FOS: variants seen among roughly 807,000 people sequenced by gnomAD.
FOS encodes protein c-Fos.
In FOS, 9 loss-of-function variants were observed where a neutral mutation model predicts 27.2. The observed-to-expected ratio is 0.33, with a 90% CI of 0.20 to 0.58. The LOEUF is 0.58. Among genes scored for constraint, FOS ranks in the 20% least tolerant of loss-of-function variants. The pLI, the probability that FOS is intolerant of heterozygous loss-of-function variation, is 0.87. For synonymous variants in FOS, 213 were observed against 205.1 expected (o/e 1.04, Z -0.33); for missense variants, 405 against 483.5 (o/e 0.84, Z 1.52).
Position 75,279,951 on chromosome 14 carries a change from C to G in FOS, c.216C>G (p.Asp72Glu). 4 of 1,614,184 alleles carry G rather than the reference C, an allele frequency of 2.5e-6. No homozygotes were observed. The highest frequency in any genetic ancestry group is 1.3e-5 in the African/African-American group (1 of 75,060). The part of the protein sequence containing the change: ...PTVTAISTSP[D>E]LQWLVQPALV... ...TCACTGCCATCTCGACCAGTCCGGA[C>G]CTGCAGTGGCTGGTGCAGCCCGCCC... The change falls in exon 2 of 4, where the codon GAC becomes GAG. Residue 72 changes from aspartate (D) to glutamate (E), a missense_variant. Transcript: ENST00000303562. This position sits in a 1 kb window ranked among gnomAD's most constrained non-coding sequence, Gnocchi z 5.4.
rs1897223263 is a variant in FOS, at chr14:75,281,002, C to A, written c.721C>A (p.Leu241Met). 1 of 1,614,124 alleles carries A rather than the reference C, an allele frequency of 6.2e-7. No individual in the cohort carries two copies. Among genetic ancestry groups the A allele is most frequent in the Admixed American group, 1.7e-5 (1 of 60,032 alleles). Reference sequence around the variant, plus strand: ...CCCGGAGTCTGAGGAGGCCTTCACCCTGCCTCTCCTCAATGACCCTGAGCC... The same window carrying A: ...CCCGGAGTCTGAGGAGGCCTTCACCATGCCTCTCCTCAATGACCCTGAGCC... Reference protein sequence around the residue: ...ATPESEEAFTLPLLNDPEPKP... With the variant: ...ATPESEEAFTMPLLNDPEPKP... The change falls in exon 4 of 4, where the codon CTG becomes ATG. Residue 241 changes from leucine to methionine, a missense_variant. Leu to Met is a conservative substitution (Grantham distance 15, BLOSUM62 2). Transcript: ENST00000303562. The surrounding 1 kb of genome is among the most constrained non-coding windows in gnomAD (Gnocchi z 4.7).
rs1897232384 is a variant in FOS, at chr14:75,281,721, CTT to C, written c.*300_*301del. 2 of 423,772 alleles carry C rather than the reference CTT, an allele frequency of 4.7e-6. No homozygotes were observed. The highest frequency in any genetic ancestry group is 8.6e-6 in the Non-Finnish European group (2 of 232,574). 26.3% of individuals were successfully genotyped at this position (423,772 alleles called of 1,614,324 possible). On this transcript the variant is annotated 3_prime_UTR_variant, in exon 4 of 4. Transcript: ENST00000303562. The surrounding 1 kb of genome is among the most constrained non-coding windows in gnomAD (Gnocchi z 4.7). ...TTGAGCCAGGCCTGGGTCTGTGTCT[CTT>C]TTCTCTTTCTCCTTAGTCTTCTCAT...
At chr14:75,280,302 C>T in intron 2 of FOS, 174 bp downstream of exon 2, 3 of 840,822 alleles carry the variant, frequency 3.6e-6, no homozygotes, top group Non-Finnish European at 3.8e-6. Flanking sequence ...CTGAGTCTCA[C>T]CCTAAGAAGT....
At chr14:75,280,231 C>G in intron 2 of FOS, 103 bp downstream of exon 2, 1 of 1,497,974 alleles carries the variant, frequency 6.7e-7, no homozygotes, top group Non-Finnish European at 9.2e-7. Flanking sequence ...ACTGATGGGG[C>G]TGGCTGCACA....
chr14:75,280,678 T>A lies in FOS; in HGVS notation c.501+11T>A, dbSNP rs1202892458. On this transcript the variant is annotated intron_variant, in intron 3 of 3. Transcript: ENST00000303562. ...GATACACTCCAAGCGGTAGGTACTC[T>A]GTGGGTTGCTCCTTTTTAAAACTTA... 6.3e-7 allele frequency: 1 copy of A among 1,595,628 alleles called. No homozygotes were observed. The highest frequency in any genetic ancestry group is 1.5e-5 in the African/African-American group (1 of 66,782).
Position 75,280,283 on chromosome 14 carries a change from A to C in FOS, c.393+155A>C, listed in dbSNP as rs762322746. On this transcript the variant is annotated intron_variant, in intron 2 of 3. Transcript: ENST00000303562. ...CTGGCTCCAAGCCCATTCCATCCCA[A>C]CTCAGACTCTGAGTCTCACCCTAAG... The C allele has an allele frequency of 4.0e-6, 4 of 995,474 alleles. No individual in the cohort carries two copies. In the South Asian group the frequency reaches 4.1e-5, roughly 10 times the overall value. 61.7% of individuals were successfully genotyped at this position (995,474 alleles called of 1,614,324 possible). A position where few individuals can be genotyped will look rare whatever the true frequency, so the allele number is the denominator to read the frequency against.
At chr14:75,280,530 A>G in intron 2 of FOS, 30 bp from the exon 3 acceptor site, 2 of 1,566,694 alleles carry the variant, frequency 1.3e-6, no homozygotes, top group East Asian at 2.3e-5. Flanking sequence ...ACTTTTACTG[A>G]ATGTCGGTCT....
In FOS at chr14:75,278,976, C is replaced by A. The variant is rs369046051; in HGVS notation, c.-7C>A. 60 of 1,613,486 alleles carry A rather than the reference C, an allele frequency of 3.7e-5. No homozygotes were observed. Among genetic ancestry groups the A allele is most frequent in the South Asian group, 2.3e-4 (21 of 91,058 alleles). On this transcript the variant is annotated 5_prime_UTR_variant, in exon 1 of 4. Transcript: ENST00000303562. The surrounding 1 kb of genome is among the most constrained non-coding windows in gnomAD (Gnocchi z 4.1). ...GGCCCCTCGCCCGGCTTTGCCTAAC[C>A]GCCACGATGATGTTCTCGGGCTTCA...
Position 75,279,291 on chromosome 14 carries a change from A to T in FOS, c.141+168A>T, listed in dbSNP as rs1897199075. On this transcript the variant is annotated intron_variant, in intron 1 of 3. Transcript: ENST00000303562. This position sits in a 1 kb window ranked among gnomAD's most constrained non-coding sequence, Gnocchi z 5.4. ...GGGGCTCGGGACTTGCTCTGAGCGCACGCACGCTTGCCATAGTAAGAATTG... is the reference window on the plus strand; with the variant it reads ...GGGGCTCGGGACTTGCTCTGAGCGCTCGCACGCTTGCCATAGTAAGAATTG... The T allele has an allele frequency of 2.4e-6, 2 of 850,262 alleles. No homozygotes were observed. The highest frequency in any genetic ancestry group is 3.6e-6 in the Non-Finnish European group (2 of 550,538). 52.7% of individuals were successfully genotyped at this position (850,262 alleles called of 1,614,324 possible).
rs1242733441 is a variant in FOS, at chr14:75,279,470, C to G, written c.141+347C>G. On this transcript the variant is annotated intron_variant, in intron 1 of 3. Transcript: ENST00000303562. The surrounding 1 kb of genome is among the most constrained non-coding windows in gnomAD (Gnocchi z 5.4). ...GGAGGTGGCAGAAAGCGGCAATCCC[C>G]CCTCCCCCGGCAGCCTGGAGCACGG... 3 of 445,988 alleles carry G rather than the reference C, an allele frequency of 6.7e-6. No individual in the cohort carries two copies. The East Asian group carries it at 1.4e-4, about 21-fold the overall frequency. 27.6% of individuals were successfully genotyped at this position (445,988 alleles called of 1,614,324 possible). A position where few individuals can be genotyped will look rare whatever the true frequency, so the allele number is the denominator to read the frequency against.
Position 75,279,170 on chromosome 14 carries a change from G to C in FOS, c.141+47G>C, listed in dbSNP as rs375202464. Reference sequence around the variant, plus strand: ...CGCGGGGCCGGGGGCTTGGGGTCGCGGAGGAGGAGACACCGGGCGGGACGC... The same window carrying C: ...CGCGGGGCCGGGGGCTTGGGGTCGCCGAGGAGGAGACACCGGGCGGGACGC... On this transcript the variant is annotated intron_variant, in intron 1 of 3. Coordinates refer to ENST00000303562, the MANE Select transcript of FOS (RefSeq NM_005252.4). The surrounding 1 kb of genome is among the most constrained non-coding windows in gnomAD (Gnocchi z 5.4). 1 of 1,606,470 alleles carries C rather than the reference G, an allele frequency of 6.2e-7. No homozygotes were observed.
rs769937542 is a variant in FOS, at chr14:75,281,448, C to A, written c.*24C>A. On this transcript the variant is annotated 3_prime_UTR_variant, in exon 4 of 4. Coordinates refer to ENST00000303562, the MANE Select transcript of FOS (RefSeq NM_005252.4). This position sits in a 1 kb window ranked among gnomAD's most constrained non-coding sequence, Gnocchi z 4.7. ...GAGGGGGCAGGGAAGGGGAGGCAGC[C>A]GGCACCCACAAGTGCCACTGCCCGA... 6.2e-7 allele frequency: 1 copy of A among 1,602,300 alleles called. No homozygotes were observed. The highest frequency in any genetic ancestry group is 1.1e-5 in the South Asian group (1 of 90,526).
Position 75,280,645 on chromosome 14 carries a change from A to G in FOS, c.479A>G (p.Glu160Gly). The G allele has an allele frequency of 6.2e-7, 1 of 1,614,040 alleles. No homozygotes were observed. Among genetic ancestry groups the G allele is most frequent in the Non-Finnish European group, 8.5e-7 (1 of 1,179,926 alleles). The change falls in exon 3 of 4, where the codon GAG becomes GGG. Residue 160 changes from glutamate (E) to glycine (G), a missense_variant. Coordinates refer to ENST00000303562, the MANE Select transcript of FOS (RefSeq NM_005252.4). The part of the protein sequence containing the change: ...AAAKCRNRRR[E>G]LTDTLQAETD... ...GCCAAATGCCGCAACCGGAGGAGGGAGCTGACTGATACACTCCAAGCGGTA... is the reference window on the plus strand; with the variant it reads ...GCCAAATGCCGCAACCGGAGGAGGGGGCTGACTGATACACTCCAAGCGGTA...
Position 75,278,894 on chromosome 14 carries a change from C to A in FOS, c.-89C>A. Reference sequence around the variant, plus strand: ...CGGCGGCCGCGGCGCAGCGAACGAGCAGTGACCGTGCTCCTACCCAGCTCT... The same window carrying A: ...CGGCGGCCGCGGCGCAGCGAACGAGAAGTGACCGTGCTCCTACCCAGCTCT... On this transcript the variant is annotated 5_prime_UTR_variant, in exon 1 of 4. Coordinates refer to ENST00000303562, the MANE Select transcript of FOS (RefSeq NM_005252.4). The surrounding 1 kb of genome is among the most constrained non-coding windows in gnomAD (Gnocchi z 4.1). The A allele has an allele frequency of 6.6e-7, 1 of 1,508,694 alleles. No individual in the cohort carries two copies. The highest frequency in any genetic ancestry group is 9.0e-7 in the Non-Finnish European group (1 of 1,106,160). The allele number at this position is 1,508,694 out of a possible 1,614,324, so 93.5% of individuals were successfully genotyped here.
At position 75,281,117 on chromosome 14, in the gene FOS, G is replaced by A; in HGVS notation, c.836G>A (p.Arg279Lys). The change falls in exon 4 of 4, where the codon AGG becomes AAG. Residue 279 changes from arginine (R) to lysine (K), a missense_variant. Transcript: ENST00000303562. The surrounding 1 kb of genome is among the most constrained non-coding windows in gnomAD (Gnocchi z 4.7). ...FDDFLFPASSRPSGSETARSV... is the reference protein window; with the variant it reads ...FDDFLFPASSKPSGSETARSV... ...GACTTCCTGTTCCCAGCATCATCCA[G>A]GCCCAGTGGCTCTGAGACAGCCCGC... 1.2e-6 allele frequency: 2 copies of A among 1,609,504 alleles called. No homozygotes were observed. Among genetic ancestry groups the A allele is most frequent in the African/African-American group, 1.3e-5 (1 of 75,046 alleles).
Position 75,279,471 on chromosome 14 carries a change from C to G in FOS, c.141+348C>G, listed in dbSNP as rs1244262203. 4.5e-6 allele frequency: 2 copies of G among 444,954 alleles called. No homozygotes were observed. Among genetic ancestry groups the G allele is most frequent in the Non-Finnish European group, 8.1e-6 (2 of 248,080 alleles). The allele number at this position is 444,954 out of a possible 1,614,324, so 27.6% of individuals were successfully genotyped here. On this transcript the variant is annotated intron_variant, in intron 1 of 3. Coordinates refer to ENST00000303562, the MANE Select transcript of FOS (RefSeq NM_005252.4). The surrounding 1 kb of genome is among the most constrained non-coding windows in gnomAD (Gnocchi z 5.4). ...GAGGTGGCAGAAAGCGGCAATCCCC[C>G]CTCCCCCGGCAGCCTGGAGCACGGA...
In FOS at chr14:75,279,263, T is replaced by C; in HGVS notation, c.141+140T>C. 9.1e-7 allele frequency: 1 copy of C among 1,097,518 alleles called. No individual in the cohort carries two copies. Among genetic ancestry groups the C allele is most frequent in the Non-Finnish European group, 1.3e-6 (1 of 764,230 alleles). 68.0% of individuals were successfully genotyped at this position (1,097,518 alleles called of 1,614,324 possible). ...CTGCCGTGGCCGGAGCGGTGCCGGC[T>C]CGGGGGCTCGGGACTTGCTCTGAGC... On this transcript the variant is annotated intron_variant, in intron 1 of 3. Coordinates refer to ENST00000303562, the MANE Select transcript of FOS (RefSeq NM_005252.4). The surrounding 1 kb of genome is among the most constrained non-coding windows in gnomAD (Gnocchi z 5.4).
In FOS at chr14:75,279,642, T is replaced by G. The variant is rs1897203811; in HGVS notation, c.142-235T>G. On this transcript the variant is annotated intron_variant, in intron 1 of 3. Coordinates refer to ENST00000303562, the MANE Select transcript of FOS (RefSeq NM_005252.4). The surrounding 1 kb of genome is among the most constrained non-coding windows in gnomAD (Gnocchi z 5.4). ...TATAACAAACCCCCTTTCAAGCAAG[T>G]GATGCTGAAGGGATAACGGGAACGC... The G allele has an allele frequency of 1.8e-6, 1 of 559,140 alleles. No homozygotes were observed. Among genetic ancestry groups the G allele is most frequent in the Non-Finnish European group, 3.2e-6 (1 of 316,348 alleles). 34.6% of individuals were successfully genotyped at this position (559,140 alleles called of 1,614,324 possible).
At position 75,281,505 on chromosome 14, in the gene FOS, T is replaced by G. The variant is rs1167730199; in HGVS notation, c.*81T>G. 1.2e-5 allele frequency: 18 copies of G among 1,446,670 alleles called. No individual in the cohort carries two copies. In the Admixed American group the frequency reaches 3.6e-4, roughly 29 times the overall value. The allele number at this position is 1,446,670 out of a possible 1,614,324, so 89.6% of individuals were successfully genotyped here. A position where few individuals can be genotyped will look rare whatever the true frequency, so the allele number is the denominator to read the frequency against. On this transcript the variant is annotated 3_prime_UTR_variant, in exon 4 of 4. Transcript: ENST00000303562. This position sits in a 1 kb window ranked among gnomAD's most constrained non-coding sequence, Gnocchi z 4.7. ...GCATTACAGAGAGGAGAAACACATC[T>G]TCCCTAGAGGGTTCCTGTAGACCTA...
Sources: allele counts gnomAD v4.1 joint callset, GRCh38; gene constraint gnomAD v4.1.1; non-coding constraint Gnocchi (gnomAD v3.1); transcripts MANE v1.5; gene names NCBI Gene and HGNC (gene_info 2026-07-23, HGNC 2026-07-21).